KIAA1549L: variants seen among roughly 807,000 people sequenced by gnomAD.
The protein encoded by KIAA1549L is KIAA1549 like, also known as UPF0606 protein KIAA1549L.
Under a neutral mutation model 160.7 loss-of-function variants are expected in KIAA1549L, and 88 were observed. That is an observed-to-expected ratio of 0.55 (90% CI 0.46 to 0.65). KIAA1549L has a LOEUF of 0.65. KIAA1549L is among the 30% of genes least tolerant of loss of function. The pLI, the probability that KIAA1549L is intolerant of heterozygous loss-of-function variation, is 0.00. For missense variants in KIAA1549L, 2,258 were observed against 2,437.5 expected (o/e 0.93, Z 1.55); for synonymous variants, 950 against 976.7 (o/e 0.97, Z 0.51).
intron 1 of KIAA1549L, among the ~76,000 whole-genome samples, chr11:33,409,208 T>G (rs1327285531): frequency 6.6e-6 from 1 of 152,156 alleles, no homozygotes; most frequent in Non-Finnish European, 1.5e-5. Context: ...AACCAAATAC[T>G]GTCAACACTG....
rs757382154 is a variant in KIAA1549L at position 33,542,690 on chromosome 11, T to C, written c.1127T>C (p.Met376Thr). ...QLPDGSPSWS[M>T]LEVASGPAST... ...CCAGATGGAAGCCCCTCATGGTCAA[T>C]GTTGGAAGTGGCTTCAGGTCCTGCA... Residue 376 changes from methionine to threonine, a missense_variant, in exon 2 of 21, where the codon ATG becomes ACG. This residue lies in a region of KIAA1549L where 540 missense variants were observed against 465.7 expected (regional missense o/e 1.16). Transcript: ENST00000658780. The C allele has an allele frequency of 6.2e-7, 1 of 1,613,878 alleles. No homozygotes were observed. The highest frequency in any genetic ancestry group is 8.5e-7 in the Non-Finnish European group (1 of 1,179,844).
chr11:33,588,444 G>A (rs763816951), intron 11 of KIAA1549L, among the ~76,000 whole-genome samples: 26 of 152,086 alleles, frequency 1.7e-4, no homozygotes, highest in Admixed American at 2.6e-4. Context: ...TGAGAGTGAC[G>A]CAACCACATG....
intron 16 of KIAA1549L, among the ~76,000 whole-genome samples, chr11:33,625,414 G>A (rs1851077544): frequency 6.6e-6 from 1 of 152,144 alleles, no homozygotes; most frequent in African/African-American, 2.4e-5. Flanking sequence ...ATCCTCTCCA[G>A]CACCTGTTGT....
chr11:33,515,469 G>A (rs934669189), intron 1 of KIAA1549L, among the ~76,000 whole-genome samples: 2 of 152,224 alleles, frequency 1.3e-5, no homozygotes, highest in Non-Finnish European at 2.9e-5. Context: ...CTGTGGCCAG[G>A]AAGCCACAGT....
intron 6 of KIAA1549L, among the ~76,000 whole-genome samples, chr11:33,554,802 T>C (rs930590251): frequency 2.0e-5 from 3 of 152,034 alleles, no homozygotes; most frequent in African/African-American, 7.3e-5. Context: ...CTGAGGAAAA[T>C]TGTGATGCTA....
chr11:33,518,472 A>C (rs769255045), intron 1 of KIAA1549L, among the ~76,000 whole-genome samples: 48 of 152,164 alleles, frequency 3.2e-4, no homozygotes, highest in Non-Finnish European at 4.6e-4. Context: ...AGTTCATTGA[A>C]ATAGATAAAA....
chr11:33,634,940 G>GA (rs11392645), intron 16 of KIAA1549L, among the ~76,000 whole-genome samples: 9,548 of 152,164 alleles, frequency 0.063, 1,017 homozygotes, highest in African/African-American at 0.22. Context: ...AAATTTTGCT[G>GA]AAAAAATTTT....
At chr11:33,627,311 G>T (rs890085083) in intron 16 of KIAA1549L, among the ~76,000 whole-genome samples, 1 of 149,676 alleles carries the variant, frequency 6.7e-6, no homozygotes, top group African/African-American at 2.5e-5. Flanking sequence ...TCTATTGATT[G>T]GAATAGTTTC....
intron 1 of KIAA1549L, among the ~76,000 whole-genome samples, chr11:33,498,474 TG>T (rs2133081886): frequency 6.6e-6 from 1 of 152,304 alleles, no homozygotes; most frequent in African/African-American, 2.4e-5. Flanking sequence ...ATGTCTGGGA[TG>T]GCTTAAACAG....
chr11:33,661,287 A>G (rs1029546111), intron 20 of KIAA1549L, among the ~76,000 whole-genome samples: 7 of 152,106 alleles, frequency 4.6e-5, no homozygotes, highest in Non-Finnish European at 8.8e-5. Flanking sequence ...AATAACTACC[A>G]TTTGTTGAGT....
intron 10 of KIAA1549L, among the ~76,000 whole-genome samples, chr11:33,576,163 A>G (rs567759530): frequency 3.3e-5 from 5 of 152,272 alleles, no homozygotes; most frequent in South Asian, 2.1e-4. Context: ...AGGAAAGGTC[A>G]TCTCCTATGG....
chr11:33,510,627 G>A (rs1322880295), intron 1 of KIAA1549L, among the ~76,000 whole-genome samples: 1 of 152,250 alleles, frequency 6.6e-6, no homozygotes, highest in African/African-American at 2.4e-5. Flanking sequence ...AGCCCTGAAA[G>A]CAAAGGCATA....
intron 1 of KIAA1549L, among the ~76,000 whole-genome samples, chr11:33,538,701 C>T (rs1311357562): frequency 1.3e-5 from 2 of 152,130 alleles, no homozygotes; most frequent in Non-Finnish European, 2.9e-5. Context: ...AGCTAAGAGG[C>T]ACATGAGTGT....
At chr11:33,420,522 C>A (rs1850990389) in intron 1 of KIAA1549L, among the ~76,000 whole-genome samples, 1 of 152,090 alleles carries the variant, frequency 6.6e-6, no homozygotes, top group African/African-American at 2.4e-5. Flanking sequence ...CCACTGTGCC[C>A]AGCCAGAACT....
rs2133114884 is a variant in KIAA1549L, at chr11:33,515,928, T to A, written c.239-25874T>A. On this transcript the variant is annotated intron_variant, in intron 1 of 20. Transcript: ENST00000658780. Reference sequence around the variant, plus strand: ...GGTCCTAGCTTCATCTGAAATTGAATGCAGTTGGACCAGATGCTAGAAGAA... The same window carrying A: ...GGTCCTAGCTTCATCTGAAATTGAAAGCAGTTGGACCAGATGCTAGAAGAA... 2.0e-5 allele frequency among the ~76,000 whole-genome samples: 3 copies of A among 152,292 alleles called. 1 individual carries two copies. The South Asian group carries it at 6.2e-4, about 32-fold the overall frequency.
chr11:33,539,447 C>T (rs1367962506), intron 1 of KIAA1549L, among the ~76,000 whole-genome samples: 1 of 152,196 alleles, frequency 6.6e-6, no homozygotes, highest in Non-Finnish European at 1.5e-5. Context: ...TCAATGACAA[C>T]CTCCAAATTG....
chr11:33,557,195 C>T (rs1478539549), intron 6 of KIAA1549L, among the ~76,000 whole-genome samples: 1 of 152,102 alleles, frequency 6.6e-6, no homozygotes, highest in Non-Finnish European at 1.5e-5. Flanking sequence ...TGCCATGTTG[C>T]CCAGGCTGGC....
Position 33,430,045 on chromosome 11 carries a change from T to TCCTCCCTC in KIAA1549L, c.238+53163_238+53164insCCCTCCCT, listed in dbSNP as rs60235599. 1.2e-4 allele frequency among the ~76,000 whole-genome samples: 15 copies of TCCTCCCTC among 128,892 alleles called. 1 individual carries two copies. The highest frequency in any genetic ancestry group is 2.3e-4 in the African/African-American group (7 of 30,492). 84.6% of individuals were successfully genotyped at this position (128,892 alleles called of 152,430 possible). A position where few individuals can be genotyped will look rare whatever the true frequency, so the allele number is the denominator to read the frequency against. ...TTCCTTCCTTCCTTCCTTCCTTCCT[T>TCCTCCCTC]CCTCCCTTCCCTCTCTCCTCCGTTC... is the stretch of plus-strand genomic sequence containing the variant. On this transcript the variant is annotated intron_variant, in intron 1 of 20. Transcript: ENST00000658780.
intron 12 of KIAA1549L, among the ~76,000 whole-genome samples, chr11:33,593,527 G>C (rs1017481765): frequency 1.3e-5 from 2 of 152,218 alleles, no homozygotes; most frequent in African/African-American, 4.8e-5. Flanking sequence ...TGGATGCAGG[G>C]AGACCCTTTA....
Sources: gnomAD v4.1 joint callset for allele counts (sites outside exome capture counted in the v4.1 genomes callset) on GRCh38, gnomAD v4.1.1 for gene constraint, gnomAD v4.1.1 regional missense constraint, MANE v1.5 for transcripts, NCBI Gene and HGNC (gene_info 2026-07-23, HGNC 2026-07-21) for gene names.